Variants in SEC24A observed in about 807,000 individuals in gnomAD.
SEC24A encodes SEC24 homolog A, COPII component, also known as protein transport protein Sec24A.
In SEC24A, 93 loss-of-function variants were observed where a neutral mutation model predicts 129.4. The observed-to-expected ratio is 0.72, with a 90% CI of 0.61 to 0.85. The LOEUF (loss-of-function observed/expected upper bound fraction) is 0.85, where lower values mean the gene tolerates loss of function less well. SEC24A is among the 40% of genes least tolerant of loss of function. The pLI is 0.00. For missense variants in SEC24A, 1,264 were observed against 1,307.4 expected (o/e 0.97, Z 0.51); for synonymous variants, 460 against 467.3 (o/e 0.98, Z 0.20).
chr5:134,688,117 A>G lies in SEC24A; in HGVS notation c.1605-64A>G, dbSNP rs1751510349. ...GATATTTTCATGTAACTCTTAGGAC[A>G]TATTTTATGTGTATTTGTATGTGGT... On this transcript the variant is annotated intron_variant, in intron 10 of 22. Transcript: ENST00000398844. 6 of 893,688 alleles carry G rather than the reference A, an allele frequency of 6.7e-6. No homozygotes were observed. In the South Asian group the frequency reaches 6.8e-5, roughly 10 times the overall value. The allele number at this position is 893,688 out of a possible 1,614,324, so 55.4% of individuals were successfully genotyped here.
At chr5:134,666,707 CTT>C (rs1341701482) in intron 2 of SEC24A, 114 bp from the exon 3 acceptor site, 6 of 786,344 alleles carry the variant, frequency 7.6e-6, no homozygotes, top group Non-Finnish European at 1.1e-5. Context: ...TCTGGTAACT[CTT>C]TGGTTATTAT....
Position 134,664,146 on chromosome 5 carries a change from A to G in SEC24A, c.565+2560A>G, listed in dbSNP as rs368359410. ...GTGCTGAAACTTATGAAAGAAGGGG[A>G]AATAAAAACATATAAACTAATAAAA... On this transcript the variant is annotated intron_variant, in intron 2 of 22. Transcript: ENST00000398844. Among the ~76,000 whole-genome samples, 32 of 152,054 alleles carry G rather than the reference A, an allele frequency of 2.1e-4. 1 individual carries two copies. In the South Asian group the frequency reaches 2.7e-3, roughly 13 times the overall value.
chr5:134,721,209 G>T, intron 21 of SEC24A, 119 bp downstream of exon 21: 1 of 620,720 alleles, frequency 1.6e-6, no homozygotes, highest in South Asian at 2.0e-5. Flanking sequence ...TTTTATTGAT[G>T]GGTTTTCATG....
chr5:134,676,690 C>G (rs1246613015), intron 7 of SEC24A, among the ~76,000 whole-genome samples: 1 of 152,092 alleles, frequency 6.6e-6, no homozygotes, highest in Non-Finnish European at 1.5e-5. Flanking sequence ...ATCTGCCCAC[C>G]TCCCAAAGTG....
Position 134,725,085 on chromosome 5 carries a change from GAATA to G in SEC24A, c.3277_3280del (p.Lys1093GlufsTer2), listed in dbSNP as rs779331887. The G allele has an allele frequency of 2.8e-6, 4 of 1,430,740 alleles. No homozygotes were observed. Among genetic ancestry groups the G allele is most frequent in the African/African-American group, 1.4e-5 (1 of 71,044 alleles). The allele number at this position is 1,430,740 out of a possible 1,614,324, so 88.6% of individuals were successfully genotyped here. A position where few individuals can be genotyped will look rare whatever the true frequency, so the allele number is the denominator to read the frequency against. On this transcript the variant is annotated frameshift_variant, in exon 23 of 23. Coordinates refer to ENST00000398844, the MANE Select transcript of SEC24A (RefSeq NM_021982.3). LOFTEE classifies it high-confidence loss of function. The stretch of plus-strand genomic sequence containing the variant: ...TCCTGTTGCATATACAGCAACAAGT[GAATA>G]AATGAATGAATGAAGAAATTTGACT...
chr5:134,700,911 G>A (rs2150102903), intron 15 of SEC24A, among the ~76,000 whole-genome samples: 1 of 152,022 alleles, frequency 6.6e-6, no homozygotes, highest in Admixed American at 6.6e-5. Flanking sequence ...GTAGAGACAG[G>A]GTTTCACCAT....
chr5:134,654,217 A>ATAT (rs1296297507), intron 1 of SEC24A, among the ~76,000 whole-genome samples: 1 of 150,572 alleles, frequency 6.6e-6, no homozygotes, highest in Non-Finnish European at 1.5e-5. Flanking sequence ...TCAAAAAAAA[A>ATAT]AAATATATAT....
At chr5:134,704,002 C>T in intron 16 of SEC24A, 70 bp downstream of exon 16, 2 of 984,324 alleles carry the variant, frequency 2.0e-6, no homozygotes, top group Non-Finnish European at 3.1e-6. Context: ...TCAAAATGGG[C>T]TATAAAATAC....
chr5:134,705,092 T>TATATATATATA (rs1561828092), intron 16 of SEC24A, among the ~76,000 whole-genome samples: 14 of 106,200 alleles, frequency 1.3e-4, no homozygotes, highest in African/African-American at 5.0e-4. Context: ...ATATATATAT[T>TATATATATATA]TTTTTTTTTT....
chr5:134,694,389 G>A (rs1052080147), intron 13 of SEC24A, among the ~76,000 whole-genome samples: 5 of 152,136 alleles, frequency 3.3e-5, no homozygotes, highest in Non-Finnish European at 7.3e-5. Flanking sequence ...GCTGGGCGCG[G>A]TGGCTCACGC....
In SEC24A at chr5:134,697,751, C is replaced by CT; in HGVS notation, c.2108-147dup. On this transcript the variant is annotated intron_variant, in intron 14 of 22. Transcript: ENST00000398844. ...CCAGCCTGGGTGACAGAATGGGACT[C>CT]TGTCTCAAAAAAAGGGAATAAAATC... 3 of 827,546 alleles carry CT rather than the reference C, an allele frequency of 3.6e-6. No individual in the cohort carries two copies. In the South Asian group the frequency reaches 5.4e-5, roughly 15 times the overall value. The allele number at this position is 827,546 out of a possible 1,614,324, so 51.3% of individuals were successfully genotyped here.
chr5:134,652,196 A>T (rs931174105), intron 1 of SEC24A, among the ~76,000 whole-genome samples: 3 of 152,024 alleles, frequency 2.0e-5, no homozygotes, highest in Non-Finnish European at 4.4e-5. Context: ...TGCTGGGATT[A>T]CAGGCGTGAG....
intron 1 of SEC24A, among the ~76,000 whole-genome samples, chr5:134,658,916 A>G (rs193285727): frequency 5.3e-4 from 81 of 152,252 alleles, no homozygotes; most frequent in African/African-American, 1.8e-3. Flanking sequence ...GATTATGACA[A>G]TTGAGTTCTT....
chr5:134,718,098 A>G lies in SEC24A; in HGVS notation c.2895A>G (p.Ile965Met), dbSNP rs772095160. 6.2e-7 allele frequency: 1 copy of G among 1,614,042 alleles called. No homozygotes were observed. Among genetic ancestry groups the G allele is most frequent in the African/African-American group, 1.3e-5 (1 of 75,016 alleles). The change falls in exon 20 of 23, where the codon ATA becomes ATG. Residue 965 changes from isoleucine (I) to methionine (M), a missense_variant. By Grantham distance (10) the Ile-to-Met change is conservative. Transcript: ENST00000398844. ...EGALNISDRT[I>M]PQPPILQLSV... ...CACTCAACATCAGTGATAGAACCAT[A>G]CCTCAGCCCCCCATTCTTCAGCTTT... is the stretch of plus-strand genomic sequence containing the variant.
At chr5:134,700,719 C>T (rs1751980150) in intron 15 of SEC24A, among the ~76,000 whole-genome samples, 1 of 150,480 alleles carries the variant, frequency 6.6e-6, no homozygotes, top group Non-Finnish European at 1.5e-5. Context: ...ATTTTTTTTA[C>T]TTTATTTTTT....
chr5:134,689,339 C>A (rs964490204), intron 11 of SEC24A, among the ~76,000 whole-genome samples: 5 of 152,116 alleles, frequency 3.3e-5, no homozygotes, highest in African/African-American at 1.2e-4. Flanking sequence ...TCCAAAAAAT[C>A]GAAAGCAGAG....
intron 20 of SEC24A, among the ~76,000 whole-genome samples, 160 bp downstream of exon 20, chr5:134,718,333 A>T (rs1752537469): frequency 6.6e-6 from 1 of 152,200 alleles, no homozygotes; most frequent in South Asian, 2.1e-4. Context: ...GTCATGGCTT[A>T]TATGATGGTG....
intron 17 of SEC24A, among the ~76,000 whole-genome samples, chr5:134,707,682 A>G (rs1752206981): frequency 1.3e-5 from 2 of 152,078 alleles, no homozygotes; most frequent in South Asian, 4.1e-4. Context: ...ATTATTATTG[A>G]CAGCAGTAAC....
intron 2 of SEC24A, among the ~76,000 whole-genome samples, chr5:134,662,859 TTGAA>T (rs1561804032): frequency 6.6e-6 from 1 of 152,058 alleles, no homozygotes; most frequent in Non-Finnish European, 1.5e-5. Flanking sequence ...CATCAATCAC[TTGAA>T]TGAATGAATG....
Sources: gnomAD v4.1 joint callset for allele counts (sites outside exome capture counted in the v4.1 genomes callset) on GRCh38, gnomAD v4.1.1 for gene constraint, MANE v1.5 for transcripts, NCBI Gene and HGNC (gene_info 2026-07-23, HGNC 2026-07-21) for gene names.